The following IL1RAPL1 variants were observed in gnomAD, a reference collection of about 807,000 sequenced individuals.
IL1RAPL1 encodes interleukin 1 receptor accessory protein like 1.
In IL1RAPL1, 3 loss-of-function variants were observed where a neutral mutation model predicts 48.4. That is an observed-to-expected ratio of 0.06 (90% confidence interval 0.03 to 0.16). IL1RAPL1 has a LOEUF of 0.16. IL1RAPL1 is among the 10% of genes least tolerant of loss of function. The pLI is 1.00. For missense variants in IL1RAPL1, 349 were observed against 530.6 expected (o/e 0.66, Z 3.36); for synonymous variants, 185 against 187.7 (o/e 0.99, Z 0.12).
intron 3 of IL1RAPL1, among the ~76,000 whole-genome samples, chrX:29,367,552 T>TTTATTTA (rs1933480405): frequency 1.0e-5 from 1 of 98,515 alleles, no homozygotes; most frequent in African/African-American, 3.8e-5. Context: ...TTCTATTTAT[T>TTTATTTA]TTTATTTATT....
chrX:29,768,110 C>A (rs1282322444), intron 6 of IL1RAPL1, among the ~76,000 whole-genome samples: 3 of 111,838 alleles, frequency 2.7e-5, no homozygotes, highest in Non-Finnish European at 5.6e-5. Flanking sequence ...CCTTACAAAT[C>A]ATACTTATTT....
chrX:29,187,448 A>T, intron 2 of IL1RAPL1, among the ~76,000 whole-genome samples: 2 of 111,069 alleles, frequency 1.8e-5, no homozygotes, highest in Non-Finnish European at 3.8e-5. Context: ...CCCAATTCTG[A>T]GGGTGTGGCA....
chrX:29,620,272 C>T (rs1453889350), intron 5 of IL1RAPL1, among the ~76,000 whole-genome samples: 1 of 111,779 alleles, frequency 8.9e-6, no homozygotes, highest in Non-Finnish European at 1.9e-5. Context: ...CTGAAGAATG[C>T]GTCGTTCAGC....
At chrX:28,651,820 T>C (rs1271299499) in intron 1 of IL1RAPL1, among the ~76,000 whole-genome samples, 2 of 111,740 alleles carry the variant, frequency 1.8e-5, no homozygotes, top group Non-Finnish European at 3.8e-5. Context: ...TCCTCTGCAA[T>C]GTAAGTACTT....
chrX:29,099,547 T>A (rs5985819), intron 2 of IL1RAPL1, among the ~76,000 whole-genome samples: 2 of 111,170 alleles, frequency 1.8e-5, no homozygotes, highest in African/African-American at 6.6e-5. Context: ...ATAGCTTAAA[T>A]AGTGGGCAGA....
chrX:29,805,555 A>C (rs1208800058), intron 6 of IL1RAPL1, among the ~76,000 whole-genome samples: 2 of 111,364 alleles, frequency 1.8e-5, no homozygotes, highest in Non-Finnish European at 3.8e-5. Context: ...TCTATATTTA[A>C]ATTTTTCTAG....
intron 2 of IL1RAPL1, among the ~76,000 whole-genome samples, chrX:28,935,129 T>G (rs766399037): frequency 3.0e-4 from 34 of 111,901 alleles, no homozygotes; most frequent in Non-Finnish European, 5.1e-4. Flanking sequence ...TTTTAATTTT[T>G]TATAAAGTCT....
chrX:29,675,840 T>C (rs1926270432), intron 6 of IL1RAPL1, among the ~76,000 whole-genome samples: 1 of 112,234 alleles, frequency 8.9e-6, no homozygotes, highest in South Asian at 3.7e-4. Context: ...CTACCCACCT[T>C]GGCCTCCCAA....
intron 2 of IL1RAPL1, among the ~76,000 whole-genome samples, chrX:28,814,497 A>C (rs755243429): frequency 1.4e-4 from 15 of 109,729 alleles, no homozygotes; most frequent in Non-Finnish European, 2.3e-4. Context: ...GATCTTTCCA[A>C]CTTTCCTTTG....
chrX:29,321,834 A>ATC (rs1387779755), intron 3 of IL1RAPL1, among the ~76,000 whole-genome samples: 1 of 111,800 alleles, frequency 8.9e-6, no homozygotes, highest in Non-Finnish European at 1.9e-5. Flanking sequence ...CCTTGCCTAG[A>ATC]AACAGAAAGA....
chrX:28,756,922 C>T (rs765112177), intron 1 of IL1RAPL1, among the ~76,000 whole-genome samples: 5 of 111,228 alleles, frequency 4.5e-5, no homozygotes, highest in East Asian at 5.7e-4. Context: ...TTTCACATTC[C>T]ACCTCTGCTT....
At chrX:29,574,568 G>A (rs1294250900) in intron 5 of IL1RAPL1, among the ~76,000 whole-genome samples, 2 of 110,781 alleles carry the variant, frequency 1.8e-5, no homozygotes, top group African/African-American at 6.6e-5. Flanking sequence ...AAACAAGTTA[G>A]TTAATTCCAA....
At position 29,580,320 on chromosome X, in the gene IL1RAPL1, C is replaced by G. The variant is rs1183054280; in HGVS notation, c.704-88110C>G. On this transcript the variant is annotated intron_variant, in intron 5 of 10. Coordinates refer to ENST00000378993, the MANE Select transcript of IL1RAPL1 (RefSeq NM_014271.4). ...AATGTGCTTTTAAATAATTAAATGA[C>G]TTTTTAATATTCCCCTCTCTCTCTC... is the stretch of plus-strand genomic sequence containing the variant. 2.7e-5 allele frequency among the ~76,000 whole-genome samples: 3 copies of G among 111,130 alleles called. No individual in the cohort carries two copies. The Admixed American group carries it at 2.9e-4, about 11-fold the overall frequency.
intron 1 of IL1RAPL1, among the ~76,000 whole-genome samples, chrX:28,693,696 C>T (rs939903743): frequency 9.0e-6 from 1 of 111,643 alleles, no homozygotes; most frequent in African/African-American, 3.3e-5. Flanking sequence ...ATTATTAGAG[C>T]GGCTAGTGTC....
intron 5 of IL1RAPL1, among the ~76,000 whole-genome samples, chrX:29,415,421 T>A (rs1219534223): frequency 9.1e-6 from 1 of 109,395 alleles, no homozygotes; most frequent in Non-Finnish European, 1.9e-5. Context: ...ACCATTTTGT[T>A]TTTTTTTTTC....
intron 2 of IL1RAPL1, among the ~76,000 whole-genome samples, chrX:29,257,976 C>T (rs1602139163): frequency 2.7e-5 from 3 of 111,228 alleles, no homozygotes; most frequent in African/African-American, 9.8e-5. Context: ...TTTATTATAC[C>T]CAGCATTTAA....
chrX:28,738,478 T>A (rs751634177), intron 1 of IL1RAPL1, among the ~76,000 whole-genome samples: 2 of 110,804 alleles, frequency 1.8e-5, no homozygotes, highest in South Asian at 3.9e-4. Flanking sequence ...GGGGGAGAGT[T>A]ATGTGGTGTC....
At chrX:29,818,354 G>A (rs959497708) in intron 6 of IL1RAPL1, among the ~76,000 whole-genome samples, 2 of 111,765 alleles carry the variant, frequency 1.8e-5, no homozygotes, top group Non-Finnish European at 3.8e-5. Flanking sequence ...GGCCCGAGGC[G>A]AAAATAATGA....
chrX:28,687,730 G>A lies in IL1RAPL1; in HGVS notation c.-25+99683G>A, dbSNP rs371931881. Among the ~76,000 whole-genome samples, 9 of 108,627 alleles carry A rather than the reference G, an allele frequency of 8.3e-5. No individual in the cohort carries two copies. In the East Asian group the frequency reaches 2.6e-3, roughly 32 times the overall value. The allele number at this position is 108,627 out of a possible 115,157, so 94.3% of individuals were successfully genotyped here. A position where few individuals can be genotyped will look rare whatever the true frequency, so the allele number is the denominator to read the frequency against. ...CCGGGAGGCGGAGCTTGCAGTGAGC[G>A]GAGATTGCACCACTGCACTCCAGCC... On this transcript the variant is annotated intron_variant, in intron 1 of 10. Transcript: ENST00000378993.
Sources: allele counts gnomAD v4.1 joint callset (sites outside exome capture counted in the v4.1 genomes callset), GRCh38; gene constraint gnomAD v4.1.1; transcripts MANE v1.5; gene names NCBI Gene and HGNC (gene_info 2026-07-23, HGNC 2026-07-21).